Variants in SUSD1 observed in about 807,000 individuals in gnomAD.
SUSD1 encodes the protein sushi domain containing 1, also known as sushi domain-containing protein 1.
A neutral mutation model predicts 86.9 loss-of-function variants in SUSD1; 65 were observed. The observed-to-expected ratio is 0.75, with a 90% CI of 0.61 to 0.92. The LOEUF (loss-of-function observed/expected upper bound fraction) is 0.92. SUSD1 is among the 40% of genes least tolerant of loss of function. SUSD1 has a pLI of 0.00. For synonymous variants in SUSD1, 346 were observed against 350.0 expected (o/e 0.99, Z 0.13); for missense variants, 850 against 929.7 (o/e 0.91, Z 1.11).
At chr9:112,045,009 A>C (rs1319637211) in intron 15 of SUSD1, among the ~76,000 whole-genome samples, 2 of 152,250 alleles carry the variant, frequency 1.3e-5, no homozygotes, top group Non-Finnish European at 2.9e-5. Context: ...ATTACAGATG[A>C]TCAATAAAAC....
chr9:112,081,182 G>C (rs1339088626), intron 10 of SUSD1, among the ~76,000 whole-genome samples: 1 of 152,180 alleles, frequency 6.6e-6, no homozygotes, highest in Non-Finnish European at 1.5e-5. Flanking sequence ...TTGCTAAGAA[G>C]TTTCACAGGA....
At chr9:112,157,419 C>A in intron 2 of SUSD1, 81 bp downstream of exon 2, 2 of 923,250 alleles carry the variant, frequency 2.2e-6, no homozygotes, top group Non-Finnish European at 3.3e-6. Context: ...ATGTTTTTCC[C>A]CAAGGACATC....
intron 12 of SUSD1, among the ~76,000 whole-genome samples, chr9:112,064,948 C>T (rs1589600140): frequency 6.6e-6 from 1 of 152,074 alleles, no homozygotes; most frequent in South Asian, 2.1e-4. Context: ...TACTTTGATC[C>T]CTTTCTAACG....
intron 6 of SUSD1, among the ~76,000 whole-genome samples, chr9:112,122,668 A>G (rs893604848): frequency 1.3e-5 from 2 of 152,194 alleles, no homozygotes; most frequent in African/African-American, 4.8e-5. Flanking sequence ...TCTCAAAGAG[A>G]GATTTGTACA....
chr9:112,107,792 A>G (rs576698320), intron 8 of SUSD1, among the ~76,000 whole-genome samples: 1 of 152,350 alleles, frequency 6.6e-6, no homozygotes, highest in East Asian at 1.9e-4. Flanking sequence ...CATGAACATA[A>G]AAATCATATC....
intron 10 of SUSD1, among the ~76,000 whole-genome samples, chr9:112,082,626 A>G (rs779368973): frequency 2.0e-5 from 3 of 152,162 alleles, no homozygotes; most frequent in Admixed American, 6.5e-5. Flanking sequence ...ACACAGGCCT[A>G]CTGACACCTT....
intron 5 of SUSD1, among the ~76,000 whole-genome samples, chr9:112,140,817 A>T (rs764436844): frequency 1.6e-4 from 25 of 152,204 alleles, no homozygotes; most frequent in Non-Finnish European, 3.1e-4. Flanking sequence ...ACTTACACAA[A>T]CCTAGATAGT....
At chr9:112,094,980 T>A (rs2564899) in intron 10 of SUSD1, among the ~76,000 whole-genome samples, 1 of 152,018 alleles carries the variant, frequency 6.6e-6, no homozygotes, top group African/African-American at 2.4e-5. Flanking sequence ...GACATCTGCC[T>A]GGGAAATAGA....
intron 8 of SUSD1, among the ~76,000 whole-genome samples, chr9:112,106,107 A>G (rs1433625168): frequency 1.3e-5 from 2 of 152,110 alleles, no homozygotes. Context: ...CTCGTGCCTA[A>G]GACTCTCAAG....
intron 10 of SUSD1, among the ~76,000 whole-genome samples, chr9:112,095,269 AAGGTATG>A (rs1830348874): frequency 6.6e-6 from 1 of 152,176 alleles, no homozygotes. Flanking sequence ...GACCTAGCAA[AAGGTATG>A]AGTCCTACCT....
intron 2 of SUSD1, 27 bp downstream of exon 2, chr9:112,157,473 C>T (rs779150994): frequency 3.9e-6 from 6 of 1,524,514 alleles, no homozygotes; most frequent in South Asian, 1.2e-5. Flanking sequence ...TTCAGCTTTT[C>T]AACTTAACCC....
intron 10 of SUSD1, among the ~76,000 whole-genome samples, chr9:112,086,093 C>T (rs980736018): frequency 1.3e-5 from 2 of 151,978 alleles, no homozygotes; most frequent in Non-Finnish European, 2.9e-5. Flanking sequence ...TGCTTGAGCC[C>T]AGGAGTTTCA....
intron 12 of SUSD1, among the ~76,000 whole-genome samples, chr9:112,066,128 A>G (rs1828968768): frequency 6.6e-6 from 1 of 152,204 alleles, no homozygotes; most frequent in South Asian, 2.1e-4. Context: ...CTCCTTCGCT[A>G]CATTGCCAGG....
rs141216840 is a variant in SUSD1, at chr9:112,091,358, A to G, written c.1474+7112T>C. ...GAATCCATTATGGGGGAAGTTTTAT[A>G]AAGTCCACATAGATCTCAAATTATG... On this transcript the variant is annotated intron_variant, in intron 10 of 16. Coordinates refer to ENST00000374270, the MANE Select transcript of SUSD1 (RefSeq NM_022486.5). Among the ~76,000 whole-genome samples the G allele has an allele frequency of 7.2e-4, 109 of 152,332 alleles. 1 individual carries two copies. The East Asian group carries it at 0.02, about 27-fold the overall frequency.
rs200677918 is a variant in SUSD1, at chr9:112,080,154, T to C, written c.1486A>G (p.Ile496Val). The change falls in exon 11 of 17, where the codon ATC becomes GTC. Residue 496 changes from isoleucine (I) to valine (V), a missense_variant. Physicochemically the swap from Ile to Val is conservative, Grantham distance 29. Transcript: ENST00000374270. Reference protein sequence around the residue: ...IATPPAVKQTISNISGFNETC... With the variant: ...IATPPAVKQTVSNISGFNETC... ...TCATTAAATCCTGAAATGTTACTGA[T>C]GGTCTGTTTTACTGTAGTGGAAAAG... The C allele has an allele frequency of 3.7e-6, 6 of 1,612,600 alleles. No homozygotes were observed. In the South Asian group the frequency reaches 5.5e-5, roughly 15 times the overall value.
intron 3 of SUSD1, 79 bp downstream of exon 3, chr9:112,149,165 C>T (rs1191049811): frequency 1.7e-5 from 27 of 1,544,026 alleles, no homozygotes; most frequent in Non-Finnish European, 2.3e-5. Flanking sequence ...ACATTAATTC[C>T]CTAATATTAA....
Position 112,041,931 on chromosome 9 carries a change from C to A in SUSD1, c.2179G>T (p.Gly727Cys), listed in dbSNP as rs780435594. Residue 727 changes from glycine (G) to cysteine (C), a missense_variant, in exon 16 of 17, where the codon GGT becomes TGT. Coordinates refer to ENST00000374270, the MANE Select transcript of SUSD1 (RefSeq NM_022486.5). ...ACAGCCAGGGAACCCAGTCCAACAC[C>A]CGCCATCTGCAGCAGCATGAGTGAC... is the stretch of plus-strand genomic sequence containing the variant. ...DSSLMLLQMA[G>C]VGLGSLAVVI... is the part of the protein sequence containing the mutation. 6.2e-7 allele frequency: 1 copy of A among 1,613,930 alleles called. No homozygotes were observed. The highest frequency in any genetic ancestry group is 8.5e-7 in the Non-Finnish European group (1 of 1,179,978).
At chr9:112,079,189 A>C (rs1213769792) in intron 11 of SUSD1, among the ~76,000 whole-genome samples, 1 of 152,110 alleles carries the variant, frequency 6.6e-6, no homozygotes, top group East Asian at 1.9e-4. Flanking sequence ...GAAATGCAGC[A>C]GTAAGCAAAT....
chr9:112,167,142 G>T (rs1031295769), intron 1 of SUSD1, among the ~76,000 whole-genome samples: 3 of 151,486 alleles, frequency 2.0e-5, no homozygotes, highest in Non-Finnish European at 2.9e-5. Context: ...TTTCACCCAG[G>T]CTAGAGTGTA....
Sources: allele counts gnomAD v4.1 joint callset (sites outside exome capture counted in the v4.1 genomes callset), GRCh38; gene constraint gnomAD v4.1.1; transcripts MANE v1.5; gene names NCBI Gene and HGNC (gene_info 2026-07-23, HGNC 2026-07-21).